Variants in NPAS3 observed in about 807,000 individuals in gnomAD.
NPAS3 encodes neuronal PAS domain protein 3.
A neutral mutation model predicts 73.1 loss-of-function variants in NPAS3; 14 were observed. The observed-to-expected ratio is 0.19, with a 90% CI of 0.13 to 0.30. The LOEUF (loss-of-function observed/expected upper bound fraction) is 0.30, where lower values mean the gene tolerates loss of function less well. NPAS3 is among the 10% of genes least tolerant of loss of function. The pLI is 1.00. For missense variants in NPAS3, 1,096 were observed against 1,250.0 expected (o/e 0.88, Z 1.86); for synonymous variants, 620 against 541.5 (o/e 1.14, Z -2.01).
intron 6 of NPAS3, among the ~76,000 whole-genome samples, chr14:33,714,338 C>T (rs992903946): frequency 2.0e-5 from 3 of 151,856 alleles, no homozygotes; most frequent in Non-Finnish European, 4.4e-5. Context: ...CGTCACTCTC[C>T]TACTGTAACT....
At chr14:33,736,884 C>T (rs1048717359) in intron 7 of NPAS3, among the ~76,000 whole-genome samples, 1 of 152,128 alleles carries the variant, frequency 6.6e-6, no homozygotes, top group African/African-American at 2.4e-5. Flanking sequence ...AAATTTTTTT[C>T]ATACCACAAA....
intron 4 of NPAS3, among the ~76,000 whole-genome samples, chr14:33,558,196 G>A (rs915321451): frequency 6.6e-6 from 1 of 152,270 alleles, no homozygotes; most frequent in African/African-American, 2.4e-5. Flanking sequence ...ATCAGAGGAG[G>A]GGATTGGGTG....
At chr14:33,610,947 G>C (rs926789345) in intron 5 of NPAS3, 1 of 152,180 alleles carries the variant, frequency 6.6e-6, no homozygotes, top group Non-Finnish European at 1.5e-5. Flanking sequence ...GTTGACTATC[G>C]CTGTTTTTCT....
chr14:33,636,293 G>A (rs79555055), intron 5 of NPAS3, among the ~76,000 whole-genome samples: 168 of 152,300 alleles, frequency 1.1e-3, no homozygotes, highest in African/African-American at 3.6e-3. Context: ...CTTATGGAAC[G>A]GATGAATGAA....
At chr14:33,026,060 T>G (rs1438766271) in intron 1 of NPAS3, among the ~76,000 whole-genome samples, 3 of 152,244 alleles carry the variant, frequency 2.0e-5, no homozygotes, top group African/African-American at 7.2e-5. Context: ...AATAGCAGCC[T>G]CTTCTCTTGT....
chr14:33,231,573 T>C (rs914047259), intron 3 of NPAS3, among the ~76,000 whole-genome samples: 1 of 152,206 alleles, frequency 6.6e-6, no homozygotes, highest in Non-Finnish European at 1.5e-5. Flanking sequence ...CATTACCGTT[T>C]CTAAAAATCA....
intron 3 of NPAS3, among the ~76,000 whole-genome samples, chr14:33,265,867 A>T (rs1370030044): frequency 1.3e-5 from 2 of 152,022 alleles, no homozygotes; most frequent in Non-Finnish European, 2.9e-5. Flanking sequence ...ACTGTCCATG[A>T]TTTCCTTTAT....
At chr14:33,322,189 C>T (rs1306804551) in intron 3 of NPAS3, among the ~76,000 whole-genome samples, 1 of 152,166 alleles carries the variant, frequency 6.6e-6, no homozygotes, top group Non-Finnish European at 1.5e-5. Context: ...ATGAAAATTA[C>T]TGGCAGTGAT....
chr14:33,202,123 C>T (rs2046642102), intron 2 of NPAS3, among the ~76,000 whole-genome samples: 1 of 151,944 alleles, frequency 6.6e-6, no homozygotes. Context: ...GTTACTGGGC[C>T]TAGTGTGTTG....
chr14:33,058,239 G>T (rs569916220), intron 2 of NPAS3, among the ~76,000 whole-genome samples: 1 of 152,248 alleles, frequency 6.6e-6, no homozygotes, highest in South Asian at 2.1e-4. Flanking sequence ...GGGTCACAGG[G>T]CTGCAGTGAG....
chr14:33,541,045 A>G (rs748365761), intron 4 of NPAS3, among the ~76,000 whole-genome samples: 1 of 151,590 alleles, frequency 6.6e-6, no homozygotes, highest in Non-Finnish European at 1.5e-5. Flanking sequence ...CCAGTTCTAT[A>G]CCCAGTTATG....
At chr14:33,513,942 G>C (rs1184211118) in intron 4 of NPAS3, among the ~76,000 whole-genome samples, 1 of 152,002 alleles carries the variant, frequency 6.6e-6, no homozygotes. Context: ...GCATGCCCAG[G>C]CTTGCTAAAA....
chr14:33,508,200 A>G lies in NPAS3; in HGVS notation c.469-51921A>G, dbSNP rs1424554789. Among the ~76,000 whole-genome samples the G allele has an allele frequency of 2.0e-5, 3 of 152,074 alleles. No individual in the cohort carries two copies. The East Asian group carries it at 5.8e-4, about 29-fold the overall frequency. ...ACCTTCCCAGTCAAAGCAGAATAAA[A>G]TTTACAAGCAGTTTGCTTGGGCAAA... On this transcript the variant is annotated intron_variant, in intron 4 of 11. Transcript: ENST00000356141.
At chr14:33,524,815 C>T (rs2053722185) in intron 4 of NPAS3, among the ~76,000 whole-genome samples, 1 of 152,160 alleles carries the variant, frequency 6.6e-6, no homozygotes, top group South Asian at 2.1e-4. Flanking sequence ...TGGACCATCG[C>T]TTGTAGATAC....
chr14:33,353,872 A>T (rs976593759), intron 3 of NPAS3, among the ~76,000 whole-genome samples: 2 of 152,178 alleles, frequency 1.3e-5, no homozygotes, highest in Non-Finnish European at 2.9e-5. Flanking sequence ...ATATTCAGGC[A>T]GCTTTCCCTA....
At chr14:33,433,667 A>G (rs2048868221) in intron 4 of NPAS3, among the ~76,000 whole-genome samples, 1 of 152,162 alleles carries the variant, frequency 6.6e-6, no homozygotes, top group East Asian at 1.9e-4. Context: ...TATATGTAGC[A>G]CACTAAGTAT....
intron 4 of NPAS3, among the ~76,000 whole-genome samples, chr14:33,493,774 C>T (rs746200679): frequency 7.2e-5 from 11 of 152,122 alleles, no homozygotes; most frequent in East Asian, 1.9e-4. Context: ...CAGCCTGAAG[C>T]GAATTTAAAT....
intron 1 of NPAS3, among the ~76,000 whole-genome samples, chr14:32,998,244 G>A (rs187084227): frequency 1.8e-3 from 274 of 152,286 alleles, no homozygotes; most frequent in Non-Finnish European, 2.4e-3. Context: ...GATGAACCTC[G>A]AAACCACGCT....
chr14:33,137,765 T>A (rs1348486285), intron 2 of NPAS3, among the ~76,000 whole-genome samples: 1 of 152,190 alleles, frequency 6.6e-6, no homozygotes, highest in Admixed American at 6.5e-5. Context: ...TCGTGTTAGT[T>A]GGAAACATGA....
Sources: gnomAD v4.1 joint callset for allele counts (sites outside exome capture counted in the v4.1 genomes callset) on GRCh38, gnomAD v4.1.1 for gene constraint, MANE v1.5 for transcripts, NCBI Gene and HGNC (gene_info 2026-07-23, HGNC 2026-07-21) for gene names.